Variants in SMG1 observed in about 807,000 individuals in gnomAD.
The protein encoded by SMG1 is serine/threonine-protein kinase SMG1.
Under a neutral mutation model 419.9 loss-of-function variants are expected in SMG1, and 22 were observed. That is an observed-to-expected ratio of 0.05 (90% CI 0.04 to 0.07). The LOEUF is 0.07. SMG1 is among the 10% of genes least tolerant of loss of function. SMG1 has a pLI of 1.00. For synonymous variants in SMG1, 1,538 were observed against 1,553.5 expected (o/e 0.99, Z 0.23); for missense variants, 3,185 against 4,342.0 (o/e 0.73, Z 7.49).
At chr16:18,925,910 G>A (rs1205288917) in intron 1 of SMG1, 40 bp downstream of exon 1, 1 of 1,456,910 alleles carries the variant, frequency 6.9e-7, no homozygotes, top group African/African-American at 1.5e-5. Flanking sequence ...CCGAGGCGGA[G>A]CCCGGGAGGT....
chr16:18,849,172 C>A, intron 36 of SMG1, 45 bp downstream of exon 36: 3 of 1,328,228 alleles, frequency 2.3e-6, no homozygotes, highest in Non-Finnish European at 2.0e-6. Context: ...AAATTATTGG[C>A]ACAGTCATTT....
intron 1 of SMG1, among the ~76,000 whole-genome samples, chr16:18,912,897 C>T (rs548849515): frequency 3.9e-5 from 6 of 152,134 alleles, no homozygotes; most frequent in African/African-American, 1.4e-4. Context: ...TGCTGGAAAA[C>T]CTATATTTTT....
At chr16:18,869,528 G>A (rs2035699350) in intron 19 of SMG1, among the ~76,000 whole-genome samples, 1 of 152,044 alleles carries the variant, frequency 6.6e-6, no homozygotes, top group Non-Finnish European at 1.5e-5. Flanking sequence ...AATGGCTTAT[G>A]CCAGTCAGGA....
intron 1 of SMG1, among the ~76,000 whole-genome samples, chr16:18,901,063 T>C (rs1324062787): frequency 1.4e-5 from 2 of 146,738 alleles, no homozygotes; most frequent in Non-Finnish European, 3.0e-5. Flanking sequence ...GAACTTTAAG[T>C]TCAAATTTAA....
intron 55 of SMG1, among the ~76,000 whole-genome samples, chr16:18,827,551 T>A (rs1220035562): frequency 1.4e-5 from 2 of 145,854 alleles, no homozygotes; most frequent in Admixed American, 6.9e-5. Flanking sequence ...TATATTTTTT[T>A]ATATATCTTT....
chr16:18,911,229 C>T (rs906248787), intron 1 of SMG1: 3 of 152,198 alleles, frequency 2.0e-5, no homozygotes, highest in African/African-American at 7.2e-5. Context: ...GGAGGGCAGG[C>T]ATGGTGGCTC....
rs1425843455 is a variant in SMG1 at position 18,819,591 on chromosome 16, G to A, written c.9805C>T (p.Pro3269Ser). ...TCTTGTAGTACAGGGGCCAATGCAG[G>A]GTTGGCACCACCTGCCCACTTGAGT... ...QRLKWAGGAN[P>S]ALAPVLQDFE... Residue 3269 changes from proline (P) to serine (S), a missense_variant, in exon 56 of 63, where the codon CCT becomes TCT. Pro to Ser is a moderately conservative substitution (Grantham distance 74). Around this residue, in one of 27 missense-constraint regions of SMG1, gnomAD observed 737 missense variants for 846.6 expected, o/e 0.87. Transcript: ENST00000446231. The A allele has an allele frequency of 1.3e-6, 2 of 1,597,014 alleles. No individual in the cohort carries two copies. The highest frequency in any genetic ancestry group is 1.1e-5 in the South Asian group (1 of 88,266).
At chr16:18,908,787 G>A (rs2037679175) in intron 1 of SMG1, among the ~76,000 whole-genome samples, 1 of 151,920 alleles carries the variant, frequency 6.6e-6, no homozygotes, top group South Asian at 2.1e-4. Flanking sequence ...GGCTGAGGTA[G>A]GAGAATGGCG....
intron 9 of SMG1, among the ~76,000 whole-genome samples, chr16:18,882,815 G>A (rs1021987206): frequency 3.9e-5 from 6 of 152,126 alleles, no homozygotes; most frequent in African/African-American, 9.7e-5. Context: ...GAAGAAGTAC[G>A]ATATATGAAA....
At chr16:18,888,771 G>GA (rs939164997) in intron 6 of SMG1, among the ~76,000 whole-genome samples, 10 of 147,668 alleles carry the variant, frequency 6.8e-5, no homozygotes, top group South Asian at 2.1e-4. Flanking sequence ...CTTGGCTGAG[G>GA]AAAAAAATCT....
rs746396183 is a variant in SMG1, at chr16:18,863,721, G to A, written c.3624C>T (p.Asn1208=). Residue 1208 remains asparagine, a synonymous_variant, in exon 25 of 63, where the codon AAC becomes AAT. Coordinates refer to ENST00000446231, the MANE Select transcript of SMG1 (RefSeq NM_015092.5). Reference sequence around the variant, plus strand: ...TACTCTTTTTCAAGTCATGGATAGCGTTCTGCCATTCCTGCACAGCAGCCC... The same window carrying A: ...TACTCTTTTTCAAGTCATGGATAGCATTCTGCCATTCCTGCACAGCAGCCC... ...ADWAAVQEWQ[N]AIHDLKKSTS... 17 of 1,589,354 alleles carry A rather than the reference G, an allele frequency of 1.1e-5. No homozygotes were observed. The highest frequency in any genetic ancestry group is 2.2e-5 in the East Asian group (1 of 44,844).
At chr16:18,830,436 G>A in intron 51 of SMG1, 67 bp from the exon 52 acceptor site, 1 of 1,531,428 alleles carries the variant, frequency 6.5e-7, no homozygotes, top group Non-Finnish European at 9.0e-7. Flanking sequence ...AACATACAAA[G>A]TCAGTACATC....
intron 37 of SMG1, 30 bp from the exon 38 acceptor site, chr16:18,847,637 T>C (rs1017558975): frequency 5.6e-6 from 9 of 1,613,276 alleles, no homozygotes; most frequent in Non-Finnish European, 7.6e-6. Context: ...AAATAGCTCA[T>C]CTACAAGCCT....
intron 60 of SMG1, among the ~76,000 whole-genome samples, chr16:18,812,343 T>C (rs1042840527): frequency 5.3e-5 from 8 of 152,164 alleles, no homozygotes; most frequent in African/African-American, 1.9e-4. Context: ...TTTACTAGGC[T>C]TGTGGCATCA....
At chr16:18,887,516 C>CTTTGTTTTTTTTTGTTTT (rs749197007) in intron 6 of SMG1, among the ~76,000 whole-genome samples, 1 of 110,140 alleles carries the variant, frequency 9.1e-6, no homozygotes, top group African/African-American at 3.4e-5. Context: ...TTTTTTTTTC[C>CTTTGTTTTTTTTTGTTTT]TTTTTTTTTT....
At position 18,926,021 on chromosome 16, in the gene SMG1, C is replaced by A. The variant is rs761607668; in HGVS notation, c.21G>T (p.Gly7=). 3 of 1,577,214 alleles carry A rather than the reference C, an allele frequency of 1.9e-6. No individual in the cohort carries two copies. The highest frequency in any genetic ancestry group is 2.6e-6 in the Non-Finnish European group (3 of 1,169,340). The change falls in exon 1 of 63, where the codon GGG becomes GGT. Residue 7 remains glycine (G), a synonymous_variant. Transcript: ENST00000446231. ...CGCCGCCGCCGCTGCTCAGCCGAGA[C>A]CCCGGGGCTCTGCGGCTCATTACCT... MSRRAP[G]SRLSSGGGGG... is the part of the protein sequence containing the mutation.
At chr16:18,912,348 T>C (rs1229436915) in intron 1 of SMG1, among the ~76,000 whole-genome samples, 1 of 151,830 alleles carries the variant, frequency 6.6e-6, no homozygotes, top group Non-Finnish European at 1.5e-5. Flanking sequence ...TTTCAAACAA[T>C]TAAGAGTAAA....
rs1381214484 is a variant in SMG1 at position 18,807,541 on chromosome 16, TA to T, written c.*2027del. On this transcript the variant is annotated 3_prime_UTR_variant, in exon 63 of 63. Coordinates refer to ENST00000446231, the MANE Select transcript of SMG1 (RefSeq NM_015092.5). ...AATCCACCGTGCCTACAATACTTGT[TA>T]AAGTACCAAAAAAGCACTGATACTG... 1.5e-4 allele frequency: 23 copies of T among 152,196 alleles called. No individual in the cohort carries two copies. The highest frequency in any genetic ancestry group is 5.3e-4 in the African/African-American group (22 of 41,454). 9.4% of individuals were successfully genotyped at this position (152,196 alleles called of 1,614,324 possible). A position where few individuals can be genotyped will look rare whatever the true frequency, so the allele number is the denominator to read the frequency against.
At position 18,817,409 on chromosome 16, in the gene SMG1, G is replaced by A. The variant is rs1215826446; in HGVS notation, c.9956C>T (p.Ala3319Val). 2 of 1,603,624 alleles carry A rather than the reference G, an allele frequency of 1.2e-6. No individual in the cohort carries two copies. The highest frequency in any genetic ancestry group is 1.7e-6 in the Non-Finnish European group (2 of 1,174,540). ...FESLRTRTAE[A>V]LNLDAALFEL... is the part of the protein sequence containing the mutation. Reference sequence around the variant, plus strand: ...AAATAACGCCGCATCCAGGTTTAAGGCTTCTGCAGTTCTTGTTCGTAAACT... The same window carrying A: ...AAATAACGCCGCATCCAGGTTTAAGACTTCTGCAGTTCTTGTTCGTAAACT... The change falls in exon 57 of 63, where the codon GCC becomes GTC. Residue 3319 changes from alanine to valine, a missense_variant. Transcript: ENST00000446231.
Sources: allele counts gnomAD v4.1 joint callset (sites outside exome capture counted in the v4.1 genomes callset), GRCh38; gene constraint gnomAD v4.1.1; regional missense constraint gnomAD v4.1.1; transcripts MANE v1.5; gene names NCBI Gene and HGNC (gene_info 2026-07-23, HGNC 2026-07-21).